The following R3HDM1 variants were observed in gnomAD, a reference collection of about 807,000 sequenced individuals.
R3HDM1 encodes the protein R3H domain-containing protein 1.
A neutral mutation model predicts 141.1 loss-of-function variants in R3HDM1; 46 were observed. The ratio of observed to expected loss-of-function variants is 0.33; its 90% confidence interval spans 0.26 to 0.42. The LOEUF is 0.42. R3HDM1 is among the 10% of genes least tolerant of loss of function. R3HDM1 has a pLI of 1.00. For synonymous variants in R3HDM1, 435 were observed against 472.9 expected, an observed-to-expected ratio of 0.92 and a Z score of 1.04; for missense variants, 1,184 against 1,368.3, an observed-to-expected ratio of 0.87 and a Z score of 2.12.
At chr2:135,585,696 T>C (rs1240243945) in intron 1 of R3HDM1, among the ~76,000 whole-genome samples, 2 of 152,248 alleles carry the variant, frequency 1.3e-5, no homozygotes, top group Non-Finnish European at 2.9e-5. Context: ...ATTCCTTTTC[T>C]TCTAAGTCCG....
intron 18 of R3HDM1, among the ~76,000 whole-genome samples, chr2:135,656,965 G>A (rs1028581388): frequency 6.6e-6 from 1 of 151,678 alleles, no homozygotes; most frequent in African/African-American, 2.4e-5. Context: ...CGGACCTGGT[G>A]GTGGGTGCCT....
At chr2:135,578,048 T>C (rs746871194) in intron 1 of R3HDM1, among the ~76,000 whole-genome samples, 3 of 152,148 alleles carry the variant, frequency 2.0e-5, no homozygotes, top group Middle Eastern at 3.2e-3. Flanking sequence ...ACAATCCCAC[T>C]TCTAGGAATC....
chr2:135,709,214 C>A (rs1341397241), intron 21 of R3HDM1, among the ~76,000 whole-genome samples: 1 of 152,118 alleles, frequency 6.6e-6, no homozygotes. Flanking sequence ...GCTGGGACTA[C>A]AGGCACCTGC....
chr2:135,592,886 C>T (rs955302397), intron 1 of R3HDM1, among the ~76,000 whole-genome samples: 4 of 151,874 alleles, frequency 2.6e-5, no homozygotes, highest in African/African-American at 7.3e-5. Context: ...GATGGGACTG[C>T]GGGCATGTGC....
chr2:135,716,607 T>C (rs2076174281), intron 24 of R3HDM1, among the ~76,000 whole-genome samples: 1 of 152,248 alleles, frequency 6.6e-6, no homozygotes, highest in African/African-American at 2.4e-5. Flanking sequence ...ACTTAAATTA[T>C]GGTATATTCA....
chr2:135,708,144 A>T (rs1224210437), intron 21 of R3HDM1, among the ~76,000 whole-genome samples: 1 of 152,216 alleles, frequency 6.6e-6, no homozygotes, highest in Non-Finnish European at 1.5e-5. Flanking sequence ...CAGGCATCAT[A>T]GTATTTCATA....
intron 3 of R3HDM1, 49 bp downstream of exon 3, chr2:135,605,065 ATTTATG>A: frequency 7.3e-7 from 1 of 1,373,098 alleles, no homozygotes; most frequent in Non-Finnish European, 1.0e-6. Context: ...TTCAGTATAT[ATTTATG>A]TTTATTTTCA....
chr2:135,669,350 C>T (rs2067984057), intron 19 of R3HDM1: 10 of 985,358 alleles, frequency 1.0e-5, no homozygotes, highest in Non-Finnish European at 1.1e-5. Context: ...AATTTTCACT[C>T]TGATTCCTAT....
intron 7 of R3HDM1, among the ~76,000 whole-genome samples, chr2:135,623,975 A>G (rs369288712): frequency 2.7e-4 from 41 of 152,342 alleles, no homozygotes; most frequent in East Asian, 2.3e-3. Context: ...TTTATATTGG[A>G]GCTGTCTATA....
chr2:135,600,138 G>C (rs2059513031), intron 1 of R3HDM1, among the ~76,000 whole-genome samples: 1 of 126,094 alleles, frequency 7.9e-6, no homozygotes, highest in Non-Finnish European at 1.6e-5. Flanking sequence ...TGTAGAGATA[G>C]GGTTTGCTAT....
intron 1 of R3HDM1, chr2:135,550,071 G>A: frequency 1.0e-6 from 1 of 984,468 alleles, no homozygotes; most frequent in Non-Finnish European, 1.2e-6. Flanking sequence ...TTCATGATCT[G>A]GAATGTCTTT....
At chr2:135,535,552 G>C (rs948365018) in intron 1 of R3HDM1, among the ~76,000 whole-genome samples, 3 of 150,038 alleles carry the variant, frequency 2.0e-5, no homozygotes, top group South Asian at 2.1e-4. Flanking sequence ...ATATGAGATG[G>C]CTGTTGTGAA....
intron 17 of R3HDM1, chr2:135,651,414 A>G (rs1010411615): frequency 4.1e-6 from 4 of 979,648 alleles, no homozygotes; most frequent in Non-Finnish European, 4.8e-6. Context: ...TTTCACTTCT[A>G]CATTCTAATG....
At chr2:135,671,912 G>C (rs573499726) in intron 19 of R3HDM1, among the ~76,000 whole-genome samples, 4 of 151,758 alleles carry the variant, frequency 2.6e-5, no homozygotes, top group South Asian at 2.1e-4. Flanking sequence ...GGAGGTGGAG[G>C]TTGCGGTGAG....
At chr2:135,718,673 G>T (rs1409847934) in intron 24 of R3HDM1, among the ~76,000 whole-genome samples, 1 of 151,872 alleles carries the variant, frequency 6.6e-6, no homozygotes, top group Non-Finnish European at 1.5e-5. Context: ...GTAGAGACAG[G>T]GTTTCACCAT....
intron 3 of R3HDM1, chr2:135,605,376 CA>C (rs2059958085): frequency 6.2e-6 from 1 of 162,372 alleles, no homozygotes; most frequent in Non-Finnish European, 1.3e-5. Context: ...AATAAAACTG[CA>C]GACGAACTAT....
At chr2:135,710,344 G>A in intron 23 of R3HDM1, 113 bp downstream of exon 23, 3 of 1,165,144 alleles carry the variant, frequency 2.6e-6, no homozygotes, top group Non-Finnish European at 3.6e-6. Flanking sequence ...AAGAATTTGG[G>A]CCAGGCGCGG....
In R3HDM1 at chr2:135,622,571, G is replaced by GAT. The variant is rs2061614805; in HGVS notation, c.419-75_419-74dup. On this transcript the variant is annotated intron_variant, in intron 6 of 26. Transcript: ENST00000683871. ...ATGTGGGGCATCTTGTTTTATTTAA[G>GAT]ATATATATACATCATGTGTAAAAGG... 4.2e-6 allele frequency: 6 copies of GAT among 1,442,112 alleles called. No homozygotes were observed. The African/African-American group carries it at 5.8e-5, about 14-fold the overall frequency. 89.3% of individuals were successfully genotyped at this position (1,442,112 alleles called of 1,614,324 possible).
At chr2:135,635,794 A>G (rs1350647987) in intron 9 of R3HDM1, 96 bp from the exon 10 acceptor site, 1 of 1,440,546 alleles carries the variant, frequency 6.9e-7, no homozygotes, top group African/African-American at 1.4e-5. Flanking sequence ...GTGGTAACTT[A>G]TTTTATTTCT....
Sources: gnomAD v4.1 joint callset for allele counts (sites outside exome capture counted in the v4.1 genomes callset) on GRCh38, gnomAD v4.1.1 for gene constraint, MANE v1.5 for transcripts, NCBI Gene and HGNC (gene_info 2026-07-23, HGNC 2026-07-21) for gene names.